TIAM2: variants seen among roughly 807,000 people sequenced by gnomAD.
TIAM2 encodes the protein rho guanine nucleotide exchange factor TIAM2.
Under a neutral mutation model 152.9 loss-of-function variants are expected in TIAM2, and 80 were observed. The ratio of observed to expected loss-of-function variants is 0.52; its 90% CI spans 0.44 to 0.63. The LOEUF (loss-of-function observed/expected upper bound fraction) is 0.63, where lower values mean the gene tolerates loss of function less well. Among genes scored for constraint, TIAM2 ranks in the 30% least tolerant of loss-of-function variants. The pLI is 0.00. For synonymous variants in TIAM2, 804 were observed against 838.0 expected, an observed-to-expected ratio of 0.96 and a Z score of 0.70; for missense variants, 1,965 against 2,120.1, an observed-to-expected ratio of 0.93 and a Z score of 1.44.
At chr6:155,052,494 G>A (rs948192596) in intron 1 of TIAM2, among the ~76,000 whole-genome samples, 4 of 151,962 alleles carry the variant, frequency 2.6e-5, no homozygotes, top group Admixed American at 6.6e-5. Flanking sequence ...GGGCTGTCAC[G>A]GTGGCTCACA....
At chr6:155,215,727 A>T (rs1472458829) in intron 15 of TIAM2, among the ~76,000 whole-genome samples, 20 of 140,156 alleles carry the variant, frequency 1.4e-4, no homozygotes, top group Admixed American at 9.2e-4. Flanking sequence ...AAAATTTTAA[A>T]TTTTTTTTTT....
chr6:155,088,125 G>A (rs189863315), intron 1 of TIAM2, among the ~76,000 whole-genome samples: 329 of 142,710 alleles, frequency 2.3e-3, no homozygotes, highest in Admixed American at 7.0e-3. Flanking sequence ...GCATGATCTC[G>A]TTCACTGCAA....
chr6:155,114,037 T>TATATATA (rs1381031482), intron 2 of TIAM2, among the ~76,000 whole-genome samples: 683 of 28,196 alleles, frequency 0.024, 9 homozygotes, highest in African/African-American at 0.041. Flanking sequence ...TATATATATA[T>TATATATA]TTTTTTTTTT....
chr6:155,031,021 G>C (rs552270934), intron 1 of TIAM2, among the ~76,000 whole-genome samples: 3 of 152,266 alleles, frequency 2.0e-5, no homozygotes, highest in Admixed American at 1.3e-4. Context: ...TGCCCTCCCT[G>C]ACTGCTGTTC....
intron 21 of TIAM2, chr6:155,250,486 G>T: frequency 6.9e-7 from 1 of 1,453,544 alleles, no homozygotes; most frequent in South Asian, 1.2e-5. Flanking sequence ...GGAAAGGACT[G>T]GAGATCAGTC....
At chr6:155,187,563 ACCCCG>A (rs1781071576) in intron 14 of TIAM2, among the ~76,000 whole-genome samples, 1 of 90,034 alleles carries the variant, frequency 1.1e-5, no homozygotes, top group African/African-American at 4.2e-5. Context: ...CCCCTCCCCC[ACCCCG>A]CCCCCTTTTT....
At chr6:155,097,912 T>C (rs979093847) in intron 2 of TIAM2, among the ~76,000 whole-genome samples, 5 of 152,252 alleles carry the variant, frequency 3.3e-5, no homozygotes, top group Admixed American at 6.5e-5. Context: ...TTGAAGAGAC[T>C]GTCCTTTCCC....
At chr6:155,127,215 C>T (rs1779315348) in intron 2 of TIAM2, among the ~76,000 whole-genome samples, 1 of 152,188 alleles carries the variant, frequency 6.6e-6, no homozygotes, top group African/African-American at 2.4e-5. Context: ...ATGAGCCACG[C>T]ATGACTCACT....
chr6:155,055,788 C>T (rs1348490891), intron 1 of TIAM2, among the ~76,000 whole-genome samples: 1 of 152,098 alleles, frequency 6.6e-6, no homozygotes, highest in Non-Finnish European at 1.5e-5. Flanking sequence ...ATAGCAAGAG[C>T]TTGGTCTCTC....
intron 2 of TIAM2, among the ~76,000 whole-genome samples, chr6:155,092,142 G>A (rs187136045): frequency 1.3e-3 from 196 of 151,234 alleles, no homozygotes; most frequent in Non-Finnish European, 1.5e-3. Flanking sequence ...CAAGTGATCC[G>A]CCTGCCTCAG....
chr6:155,111,580 T>A (rs1778852172), intron 2 of TIAM2, among the ~76,000 whole-genome samples: 1 of 152,190 alleles, frequency 6.6e-6, no homozygotes. Context: ...ACTGCATGTA[T>A]GTGATGTTGG....
chr6:155,037,538 T>A (rs1776945228), intron 1 of TIAM2, among the ~76,000 whole-genome samples: 1 of 152,148 alleles, frequency 6.6e-6, no homozygotes, highest in Admixed American at 6.5e-5. Flanking sequence ...TTTCTTTTTT[T>A]ATTTTTTTGA....
Position 155,046,691 on chromosome 6 carries a change from C to T in TIAM2, c.-208-43598C>T, listed in dbSNP as rs116748896. 8.5e-3 allele frequency among the ~76,000 whole-genome samples: 1,297 copies of T among 152,180 alleles called. 20 individuals are homozygous for T. The highest frequency in any genetic ancestry group is 0.029 in the African/African-American group (1,218 of 41,508). ...GGATCGCAAGGAACCTGCTCACATACTGTTCTGGGGTTTGACTTCCAGGAG... is the reference window on the plus strand; with the variant it reads ...GGATCGCAAGGAACCTGCTCACATATTGTTCTGGGGTTTGACTTCCAGGAG... On this transcript the variant is annotated intron_variant, in intron 1 of 26. Transcript: ENST00000682666.
intron 14 of TIAM2, among the ~76,000 whole-genome samples, chr6:155,207,201 A>G (rs938376367): frequency 6.6e-6 from 1 of 152,212 alleles, no homozygotes; most frequent in Non-Finnish European, 1.5e-5. Context: ...AGCTTTGTAA[A>G]TAAGCATTCG....
chr6:155,029,471 C>CTATATATACTATATACTATATACTA (rs367644733), intron 1 of TIAM2, among the ~76,000 whole-genome samples: 2 of 12,590 alleles, frequency 1.6e-4, no homozygotes, highest in East Asian at 7.8e-3. Context: ...ATAATATATA[C>CTATATATACTATATACTATATACTA]TATAGTATAT....
At chr6:155,035,865 C>T (rs912028024) in intron 1 of TIAM2, among the ~76,000 whole-genome samples, 7 of 152,124 alleles carry the variant, frequency 4.6e-5, no homozygotes, top group African/African-American at 1.4e-4. Flanking sequence ...TGGAAGGCTG[C>T]GATGATACAA....
At chr6:155,199,357 T>C (rs1195747800) in intron 14 of TIAM2, among the ~76,000 whole-genome samples, 2 of 152,164 alleles carry the variant, frequency 1.3e-5, no homozygotes, top group Non-Finnish European at 2.9e-5. Flanking sequence ...GGATTACAGG[T>C]GTGAGCCACC....
At chr6:155,086,269 G>C (rs1202288183) in intron 1 of TIAM2, among the ~76,000 whole-genome samples, 1 of 152,192 alleles carries the variant, frequency 6.6e-6, no homozygotes, top group African/African-American at 2.4e-5. Flanking sequence ...TCTAGTCTTA[G>C]CTCTTTCCCG....
rs972727846 is a variant in TIAM2, at chr6:155,219,587, AG to A, written c.3168+8282del. ...TGTGCTGTTTTTGTTGGAGTCTCAA[AG>A]GCCATTTGATCTCTTTGTAGTGAGT... On this transcript the variant is annotated intron_variant, in intron 15 of 26. Transcript: ENST00000682666. Among the ~76,000 whole-genome samples the A allele has an allele frequency of 4.9e-4, 74 of 152,060 alleles. 1 individual carries two copies. The highest frequency in any genetic ancestry group is 1.6e-4 in the Non-Finnish European group (11 of 68,020).
Sources: allele counts gnomAD v4.1 joint callset (sites outside exome capture counted in the v4.1 genomes callset), GRCh38; gene constraint gnomAD v4.1.1; transcripts MANE v1.5; gene names NCBI Gene and HGNC (gene_info 2026-07-23, HGNC 2026-07-21).